SRGAP1: variants seen among roughly 807,000 people sequenced by gnomAD.
SRGAP1 encodes the protein SLIT-ROBO Rho GTPase activating protein 1.
In SRGAP1, 43 loss-of-function variants were observed where a neutral mutation model predicts 121.9. The ratio of observed to expected loss-of-function variants is 0.35; its 90% CI spans 0.28 to 0.46. The LOEUF is 0.46. Ranked by LOEUF, SRGAP1 falls within the 20% of genes least tolerant of loss-of-function variation. SRGAP1 has a pLI of 1.00. For missense variants in SRGAP1, 1,102 were observed against 1,350.9 expected (o/e 0.82, Z 2.89); for synonymous variants, 447 against 485.4 (o/e 0.92, Z 1.04).
chr12:63,940,511 G>T (rs1212611389), intron 1 of SRGAP1, among the ~76,000 whole-genome samples: 1 of 152,010 alleles, frequency 6.6e-6, no homozygotes, highest in African/African-American at 2.4e-5. Flanking sequence ...TTGCTGTCTG[G>T]AATTGAGGTC....
chr12:64,088,786 A>C (rs1361957500), intron 11 of SRGAP1, among the ~76,000 whole-genome samples: 1 of 152,222 alleles, frequency 6.6e-6, no homozygotes, highest in Non-Finnish European at 1.5e-5. Flanking sequence ...AAGACTCAAA[A>C]GATATCCCTC....
intron 21 of SRGAP1, among the ~76,000 whole-genome samples, chr12:64,134,600 A>G (rs2036832293): frequency 6.6e-6 from 1 of 152,122 alleles, no homozygotes; most frequent in African/African-American, 2.4e-5. Flanking sequence ...AGGCATTTTC[A>G]GCTCACTCAC....
intron 1 of SRGAP1, among the ~76,000 whole-genome samples, chr12:63,954,677 C>CAAAAAAAAAAAAAAAAA (rs60508657): frequency 3.1e-4 from 32 of 104,590 alleles, no homozygotes; most frequent in African/African-American, 8.6e-4. Context: ...GACTCCATCT[C>CAAAAAAAAAAAAAAAAA]AAAAAAAAAA....
chr12:63,940,878 T>G (rs2031841397), intron 1 of SRGAP1, among the ~76,000 whole-genome samples: 1 of 152,158 alleles, frequency 6.6e-6, no homozygotes, highest in Non-Finnish European at 1.5e-5. Context: ...ATATGGACAG[T>G]GGAGGCCGCC....
chr12:63,973,353 G>C (rs896893775), intron 1 of SRGAP1, among the ~76,000 whole-genome samples: 8 of 152,138 alleles, frequency 5.3e-5, no homozygotes, highest in African/African-American at 1.9e-4. Context: ...AACATTGTAA[G>C]TTTGCATCGT....
intron 8 of SRGAP1, among the ~76,000 whole-genome samples, chr12:64,075,978 C>T (rs888977718): frequency 1.3e-5 from 2 of 151,902 alleles, no homozygotes; most frequent in African/African-American, 4.8e-5. Context: ...GACTGGGTCA[C>T]TCAACTGATT....
intron 1 of SRGAP1, chr12:63,871,645 T>C (rs1023747003): frequency 1.8e-6 from 1 of 567,162 alleles, no homozygotes; most frequent in Non-Finnish European, 3.1e-6. Context: ...TTCTTTTTTT[T>C]TTGGCATAAG....
chr12:64,097,219 T>C, intron 14 of SRGAP1, 22 bp from the exon 15 acceptor site: 1 of 1,562,220 alleles, frequency 6.4e-7, no homozygotes, highest in African/African-American at 1.4e-5. Flanking sequence ...GTTAATGTAA[T>C]GAGTTTTTTT....
chr12:63,860,005 T>C (rs1427534935), intron 1 of SRGAP1, among the ~76,000 whole-genome samples: 2 of 152,152 alleles, frequency 1.3e-5, no homozygotes, highest in African/African-American at 4.8e-5. Context: ...AAATATATGG[T>C]ATTTCCTTTT....
intron 1 of SRGAP1, among the ~76,000 whole-genome samples, chr12:63,934,141 G>A (rs2031576979): frequency 6.6e-6 from 1 of 152,114 alleles, no homozygotes; most frequent in South Asian, 2.1e-4. Flanking sequence ...AAAACAAGGA[G>A]ACTCTTCCTA....
In SRGAP1 at chr12:63,973,823, CAT is replaced by C. The variant is rs2033023235; in HGVS notation, c.68-10123_68-10122del. ...TTTTTAAAACTTATTCAGAGAAAAA[CAT>C]GTGTAAACTTTGATATATATTCCAT... On this transcript the variant is annotated intron_variant, in intron 1 of 21. Coordinates refer to ENST00000355086, the MANE Select transcript of SRGAP1 (RefSeq NM_020762.4). Among the ~76,000 whole-genome samples the C allele has an allele frequency of 2.0e-5, 3 of 152,096 alleles. No individual in the cohort carries two copies. In the South Asian group the frequency reaches 6.2e-4, roughly 32 times the overall value.
intron 2 of SRGAP1, 51 bp downstream of exon 2, chr12:63,984,193 C>A: frequency 2.0e-6 from 2 of 1,020,024 alleles, no homozygotes; most frequent in Non-Finnish European, 2.7e-6. Flanking sequence ...TCCATACTGC[C>A]TTTGCCACCT....
chr12:63,870,085 T>C (rs1179409623), intron 1 of SRGAP1, among the ~76,000 whole-genome samples: 2 of 152,216 alleles, frequency 1.3e-5, no homozygotes, highest in African/African-American at 4.8e-5. Flanking sequence ...ATGTTATTCA[T>C]TCTGTTTAAA....
At chr12:63,853,362 T>G (rs1197461909) in intron 1 of SRGAP1, among the ~76,000 whole-genome samples, 2 of 152,198 alleles carry the variant, frequency 1.3e-5, no homozygotes, top group African/African-American at 2.4e-5. Context: ...TGGTTTATAA[T>G]TTCTTTAGAA....
chr12:63,898,543 C>T (rs1004232791), intron 1 of SRGAP1, among the ~76,000 whole-genome samples: 1 of 152,110 alleles, frequency 6.6e-6, no homozygotes, highest in African/African-American at 2.4e-5. Context: ...TTAAATCATT[C>T]CAGGTTTTAA....
rs972392205 is a variant in SRGAP1 at position 63,993,509 on chromosome 12, T to C, written c.426+3437T>C. On this transcript the variant is annotated intron_variant, in intron 3 of 21. Transcript: ENST00000355086. Reference sequence around the variant, plus strand: ...TTAGTGAGCATAATGCTTGTTTTCCTTGGGGAGAAGATTTTGAGACTTCCG... The same window carrying C: ...TTAGTGAGCATAATGCTTGTTTTCCCTGGGGAGAAGATTTTGAGACTTCCG... 9.2e-5 allele frequency among the ~76,000 whole-genome samples: 14 copies of C among 152,216 alleles called. 1 individual carries two copies. The highest frequency in any genetic ancestry group is 8.5e-4 in the Admixed American group (13 of 15,276).
intron 3 of SRGAP1, among the ~76,000 whole-genome samples, chr12:64,016,601 C>T (rs2034408734): frequency 1.3e-5 from 2 of 152,214 alleles, no homozygotes; most frequent in Admixed American, 6.5e-5. Flanking sequence ...GGGAATCACA[C>T]TGTAAAATGT....
intron 11 of SRGAP1, among the ~76,000 whole-genome samples, chr12:64,088,719 C>T (rs554291643): frequency 2.6e-5 from 4 of 152,146 alleles, no homozygotes; most frequent in Non-Finnish European, 5.9e-5. Flanking sequence ...AACTTGCATG[C>T]GTTCATATTT....
chr12:63,940,940 G>T (rs1488223753), intron 1 of SRGAP1, among the ~76,000 whole-genome samples: 1 of 152,008 alleles, frequency 6.6e-6, no homozygotes, highest in Non-Finnish European at 1.5e-5. Flanking sequence ...ACCTTCCCGC[G>T]GCCTGATAAA....
Sources: allele counts gnomAD v4.1 joint callset (sites outside exome capture counted in the v4.1 genomes callset), GRCh38; gene constraint gnomAD v4.1.1; transcripts MANE v1.5; gene names NCBI Gene and HGNC (gene_info 2026-07-23, HGNC 2026-07-21).